The following PPME1 variants were observed in gnomAD, a reference collection of about 807,000 sequenced individuals.
PPME1 encodes the protein testicular secretory protein Li 39.
In PPME1, 17 loss-of-function variants were observed where a neutral mutation model predicts 56.9. The observed-to-expected ratio is 0.30, with a 90% CI of 0.20 to 0.45. PPME1 has a LOEUF of 0.45. Among genes scored for constraint, PPME1 ranks in the 20% least tolerant of loss-of-function variants. The pLI is 1.00. For missense variants in PPME1, 357 were observed against 483.2 expected, an observed-to-expected ratio of 0.74 and a Z score of 2.45; for synonymous variants, 122 against 156.2, an observed-to-expected ratio of 0.78 and a Z score of 1.63.
intron 3 of PPME1, among the ~76,000 whole-genome samples, chr11:74,214,541 G>A (rs112001809): frequency 0.1 from 15,867 of 151,934 alleles, 2,162 homozygotes; most frequent in African/African-American, 0.32. Flanking sequence ...CAAACTCCCA[G>A]AGGTCAAAGA....
intron 1 of PPME1, among the ~76,000 whole-genome samples, chr11:74,172,606 A>C (rs1230509644): frequency 6.6e-6 from 1 of 152,212 alleles, no homozygotes; most frequent in Non-Finnish European, 1.5e-5. Context: ...GTGCCAGGTT[A>C]GGGGATACTT....
At chr11:74,247,483 G>GTTTTTTT (rs761820906) in intron 11 of PPME1, 5 of 119,082 alleles carry the variant, frequency 4.2e-5, no homozygotes, top group African/African-American at 8.9e-5. Flanking sequence ...TTGTTTGTGG[G>GTTTTTTT]TTTTTTTTTT....
At chr11:74,210,757 A>G (rs556631273) in intron 3 of PPME1, among the ~76,000 whole-genome samples, 50 of 152,314 alleles carry the variant, frequency 3.3e-4, no homozygotes, top group African/African-American at 1.1e-3. Context: ...CGTACTTCTT[A>G]TACAGCTTGC....
At chr11:74,176,599 A>C (rs1437211845) in intron 1 of PPME1, among the ~76,000 whole-genome samples, 1 of 152,080 alleles carries the variant, frequency 6.6e-6, no homozygotes, top group African/African-American at 2.4e-5. Context: ...CTCGTTACTC[A>C]TTAGCATCTT....
intron 1 of PPME1, among the ~76,000 whole-genome samples, chr11:74,194,938 G>A (rs1416473193): frequency 6.6e-6 from 1 of 152,204 alleles, no homozygotes; most frequent in African/African-American, 2.4e-5. Flanking sequence ...TAAATTGTTA[G>A]CAGTTCATTA....
At chr11:74,223,719 T>C (rs369052363) in intron 4 of PPME1, among the ~76,000 whole-genome samples, 54 of 117,324 alleles carry the variant, frequency 4.6e-4, no homozygotes, top group African/African-American at 5.7e-4. Context: ...TTTCATGTGT[T>C]TTTTGGCTGC....
chr11:74,174,093 T>A (rs994369856), intron 1 of PPME1, among the ~76,000 whole-genome samples: 4 of 152,130 alleles, frequency 2.6e-5, no homozygotes, highest in African/African-American at 9.7e-5. Context: ...CTCCTTAGAA[T>A]CATAAAGCTG....
intron 9 of PPME1, among the ~76,000 whole-genome samples, chr11:74,241,560 TGACA>T (rs1318919811): frequency 6.6e-6 from 1 of 152,232 alleles, no homozygotes; most frequent in African/African-American, 2.4e-5. Context: ...TTTGAGGAAC[TGACA>T]GACCGTTTTC....
intron 1 of PPME1, among the ~76,000 whole-genome samples, chr11:74,195,312 G>C (rs60981452): frequency 0.1 from 15,139 of 152,062 alleles, 2,084 homozygotes; most frequent in African/African-American, 0.31. Flanking sequence ...TTTACCACTT[G>C]TGCATGTATA....
chr11:74,196,437 G>A (rs1287181780), intron 1 of PPME1, among the ~76,000 whole-genome samples: 2 of 152,162 alleles, frequency 1.3e-5, no homozygotes, highest in African/African-American at 4.8e-5. Flanking sequence ...TATGGTGTGA[G>A]GAAGGGGTCT....
intron 1 of PPME1, among the ~76,000 whole-genome samples, chr11:74,171,835 G>T (rs1273837586): frequency 1.3e-5 from 2 of 152,100 alleles, no homozygotes; most frequent in African/African-American, 4.8e-5. Context: ...GGAGTAGAAC[G>T]GTGACAAAGG....
rs183698098 is a variant in PPME1, at chr11:74,225,350, G to A, written c.398+94G>A. 120 of 923,064 alleles carry A rather than the reference G, an allele frequency of 1.3e-4. No homozygotes were observed. The African/African-American group carries it at 1.8e-3, about 14-fold the overall frequency. The allele number at this position is 923,064 out of a possible 1,614,324, so 57.2% of individuals were successfully genotyped here. On this transcript the variant is annotated intron_variant, in intron 5 of 13. Coordinates refer to ENST00000328257, the MANE Select transcript of PPME1 (RefSeq NM_016147.3). ...ATCACTTTCCTGATGAGATTGTTGG[G>A]GAATAATTACCACAAGGAAAATTTT...
At chr11:74,197,442 T>G (rs977149365) in intron 1 of PPME1, among the ~76,000 whole-genome samples, 8 of 152,124 alleles carry the variant, frequency 5.3e-5, no homozygotes, top group African/African-American at 1.9e-4. Context: ...TAAGATAATT[T>G]TAGAAAATGA....
intron 1 of PPME1, 28 bp downstream of exon 1, chr11:74,171,550 T>G (rs1591003195): frequency 6.3e-7 from 1 of 1,590,964 alleles, no homozygotes; most frequent in Non-Finnish European, 8.6e-7. Context: ...CTTCTCCCTA[T>G]GGGCCAGGCC....
intron 7 of PPME1, 30 bp from the exon 8 acceptor site, chr11:74,235,871 C>G (rs904693597): frequency 1.3e-6 from 2 of 1,594,716 alleles, no homozygotes; most frequent in African/African-American, 1.3e-5. Flanking sequence ...TACTGAATAA[C>G]CTTCTCTCTT....
intron 1 of PPME1, among the ~76,000 whole-genome samples, chr11:74,178,234 A>T (rs1857446248): frequency 1.3e-5 from 2 of 152,198 alleles, no homozygotes; most frequent in African/African-American, 4.8e-5. Context: ...TACAAATAAA[A>T]AGAAGCGGGG....
At chr11:74,201,464 T>C (rs185659826) in intron 1 of PPME1, among the ~76,000 whole-genome samples, 83 of 152,274 alleles carry the variant, frequency 5.5e-4, no homozygotes, top group Non-Finnish European at 9.8e-4. Context: ...TAATGTGCAC[T>C]TAAGCCTTAT....
chr11:74,225,113 A>G, intron 4 of PPME1, 92 bp from the exon 5 acceptor site: 1 of 848,820 alleles, frequency 1.2e-6, no homozygotes, highest in Non-Finnish European at 1.8e-6. Flanking sequence ...TCCCTAATCC[A>G]TTGTCCAAAG....
rs1859028601 is a variant in PPME1, at chr11:74,230,107, G to C, written c.399-138G>C. Reference sequence around the variant, plus strand: ...GGGACATGTTAGAAGGTTTACATAGGTATGTTTGTAAGATGGCCCAATAGA... The same window carrying C: ...GGGACATGTTAGAAGGTTTACATAGCTATGTTTGTAAGATGGCCCAATAGA... On this transcript the variant is annotated intron_variant, in intron 5 of 13. Coordinates refer to ENST00000328257, the MANE Select transcript of PPME1 (RefSeq NM_016147.3). The surrounding 1 kb of genome is among the most constrained non-coding windows in gnomAD (Gnocchi z 4.9). The C allele has an allele frequency of 2.3e-6, 2 of 855,316 alleles. No individual in the cohort carries two copies. Among genetic ancestry groups the C allele is most frequent in the East Asian group, 5.2e-5 (2 of 38,646 alleles). 53.0% of individuals were successfully genotyped at this position (855,316 alleles called of 1,614,324 possible).
Sources: gnomAD v4.1 joint callset for allele counts (sites outside exome capture counted in the v4.1 genomes callset) on GRCh38, gnomAD v4.1.1 for gene constraint, Gnocchi (gnomAD v3.1) non-coding constraint, MANE v1.5 for transcripts, NCBI Gene and HGNC (gene_info 2026-07-23, HGNC 2026-07-21) for gene names.